Variants in WDFY4 observed in about 807,000 individuals in gnomAD.
WDFY4 encodes the protein WDFY family member 4.
WDFY4 carries 169 observed loss-of-function variants against 351.9 expected under a neutral mutation model. That is an observed-to-expected ratio of 0.48 (90% CI 0.42 to 0.55). WDFY4 has a LOEUF of 0.55. WDFY4 is among the 20% of genes least tolerant of loss of function. The probability of loss-of-function intolerance (pLI) is 0.00; values close to 1 mark genes in which losing one functional copy is unlikely to be tolerated. For synonymous variants in WDFY4, 1,622 were observed against 1,574.6 expected, an observed-to-expected ratio of 1.03 and a Z score of -0.71; for missense variants, 3,803 against 3,935.6, an observed-to-expected ratio of 0.97 and a Z score of 0.90.
intron 47 of WDFY4, among the ~76,000 whole-genome samples, chr10:48,934,721 T>C (rs926479039): frequency 6.6e-6 from 1 of 152,328 alleles, no homozygotes; most frequent in East Asian, 1.9e-4. Flanking sequence ...GGCTGGACCC[T>C]CCTGAACGAA....
rs1554812693 is a variant in WDFY4, at chr10:48,923,506, A to ATATATG, written c.7587-18295_7587-18294insGTATAT. Among the ~76,000 whole-genome samples, 572 of 115,166 alleles carry ATATATG rather than the reference A, an allele frequency of 5.0e-3. 81 individuals are homozygous for ATATATG. The highest frequency in any genetic ancestry group is 8.9e-3 in the Non-Finnish European group (455 of 51,216). 75.6% of individuals were successfully genotyped at this position (115,166 alleles called of 152,430 possible). On this transcript the variant is annotated intron_variant, in intron 47 of 61. Transcript: ENST00000325239. Reference sequence around the variant, plus strand: ...AACAAATAGTTTTTAGTATATATATATATATATGTCCCAAATACCGCATAG... The same window carrying ATATATG: ...AACAAATAGTTTTTAGTATATATATATATATGTATATATGTCCCAAATACCGCATAG...
chr10:48,721,494 C>T, intron 4 of WDFY4, 127 bp downstream of exon 4: 2 of 806,406 alleles, frequency 2.5e-6, no homozygotes, highest in Non-Finnish European at 4.1e-6. Flanking sequence ...ATTATTTCTC[C>T]TCCCTCCTCC....
Position 48,897,434 on chromosome 10 carries a change from C to T in WDFY4, c.7317-20C>T. The T allele has an allele frequency of 6.5e-7, 1 of 1,549,482 alleles. No individual in the cohort carries two copies. The highest frequency in any genetic ancestry group is 8.7e-7 in the Non-Finnish European group (1 of 1,145,888). On this transcript the variant is annotated intron_variant, in intron 44 of 61. Coordinates refer to ENST00000325239, the MANE Select transcript of WDFY4 (RefSeq NM_001394531.1). ...CTCTGATGTCTGAACATGTGCCCTG[C>T]ATGCCTGTTTCCTTTTCAGCATCAG...
Position 48,749,424 on chromosome 10 carries a change from TACAC to T in WDFY4, c.2459+5879_2459+5882del, listed in dbSNP as rs148613437. The stretch of plus-strand genomic sequence containing the variant: ...ATACCACACACCCACACACTGCACT[TACAC>T]ACCACACAGCACCTAGCACATACAC... On this transcript the variant is annotated intron_variant, in intron 12 of 61. Coordinates refer to ENST00000325239, the MANE Select transcript of WDFY4 (RefSeq NM_001394531.1). Among the ~76,000 whole-genome samples, 1,239 of 151,794 alleles carry T rather than the reference TACAC, an allele frequency of 8.2e-3. 14 individuals are homozygous for T. Among genetic ancestry groups the T allele is most frequent in the Middle Eastern group, 0.014 (4 of 292 alleles).
intron 39 of WDFY4, among the ~76,000 whole-genome samples, chr10:48,863,323 G>A (rs2069411076): frequency 6.6e-6 from 1 of 152,112 alleles, no homozygotes; most frequent in South Asian, 2.1e-4. Flanking sequence ...GTGTATGAGA[G>A]TTTCTATTTA....
chr10:48,940,265 C>G (rs763777862), intron 47 of WDFY4, among the ~76,000 whole-genome samples: 2 of 152,240 alleles, frequency 1.3e-5, no homozygotes, highest in African/African-American at 2.4e-5. Flanking sequence ...CCTTTACAAG[C>G]TAAAGCAGTA....
At chr10:48,946,220 T>A in intron 50 of WDFY4, 63 bp downstream of exon 50, 2 of 1,270,320 alleles carry the variant, frequency 1.6e-6, no homozygotes, top group South Asian at 1.4e-5. Flanking sequence ...AAAATGATAG[T>A]TGATAACAAT....
chr10:48,790,357 C>G (rs967155879), intron 22 of WDFY4, among the ~76,000 whole-genome samples: 2 of 152,182 alleles, frequency 1.3e-5, no homozygotes, highest in African/African-American at 4.8e-5. Context: ...CAAATTGGTG[C>G]AAGTGCCCTG....
At chr10:48,884,552 G>GCA (rs1474208665) in intron 43 of WDFY4, among the ~76,000 whole-genome samples, 1 of 116,374 alleles carries the variant, frequency 8.6e-6, no homozygotes, top group African/African-American at 3.3e-5. Flanking sequence ...ATACACACAT[G>GCA]CACACACACA....
chr10:48,879,439 G>A (rs1248904245), intron 43 of WDFY4, among the ~76,000 whole-genome samples: 2 of 152,198 alleles, frequency 1.3e-5, no homozygotes, highest in Non-Finnish European at 2.9e-5. Flanking sequence ...ATTATGTGGT[G>A]TCTCCATATT....
intron 17 of WDFY4, among the ~76,000 whole-genome samples, 192 bp from the exon 18 acceptor site, chr10:48,778,419 C>A (rs2066107407): frequency 6.6e-6 from 1 of 152,256 alleles, no homozygotes; most frequent in Non-Finnish European, 1.5e-5. Flanking sequence ...GTGTGACGGA[C>A]CTCAGGGAGA....
intron 47 of WDFY4, among the ~76,000 whole-genome samples, chr10:48,902,676 C>A (rs895493863): frequency 6.6e-6 from 1 of 151,724 alleles, no homozygotes; most frequent in Non-Finnish European, 1.5e-5. Flanking sequence ...GGAGGACAGA[C>A]ATAAACCAAT....
At chr10:48,873,207 C>A (rs1352562197) in intron 40 of WDFY4, among the ~76,000 whole-genome samples, 1 of 152,238 alleles carries the variant, frequency 6.6e-6, no homozygotes. Context: ...CCTTCCAGAC[C>A]TGTTGCTTTC....
intron 39 of WDFY4, among the ~76,000 whole-genome samples, chr10:48,846,450 G>A (rs571988227): frequency 6.6e-6 from 1 of 152,286 alleles, no homozygotes; most frequent in Non-Finnish European, 1.5e-5. Context: ...AGTTCCTGGT[G>A]GGCAAGCCTT....
intron 50 of WDFY4, among the ~76,000 whole-genome samples, 184 bp from the exon 51 acceptor site, chr10:48,946,676 T>C (rs1841058316): frequency 6.6e-6 from 1 of 152,214 alleles, no homozygotes; most frequent in East Asian, 1.9e-4. Flanking sequence ...CTTTAGACGT[T>C]TTGCCACATT....
At chr10:48,770,670 G>A (rs2065835282) in intron 13 of WDFY4, among the ~76,000 whole-genome samples, 1 of 152,234 alleles carries the variant, frequency 6.6e-6, no homozygotes, top group African/African-American at 2.4e-5. Flanking sequence ...TGGGAAGGGA[G>A]TCAAGGACTT....
intron 23 of WDFY4, among the ~76,000 whole-genome samples, chr10:48,795,826 A>G (rs11101492): frequency 0.051 from 7,746 of 152,138 alleles, 297 homozygotes; most frequent in Middle Eastern, 0.16. Flanking sequence ...AAGCTGGGTC[A>G]CCAAATGTAT....
At chr10:48,888,843 C>A (rs182277010) in intron 43 of WDFY4, among the ~76,000 whole-genome samples, 1 of 152,206 alleles carries the variant, frequency 6.6e-6, no homozygotes, top group African/African-American at 2.4e-5. Flanking sequence ...ATGGTGTTCT[C>A]GCCAAGTTTC....
At chr10:48,954,520 TAG>T (rs1841491982) in intron 51 of WDFY4, among the ~76,000 whole-genome samples, 1 of 152,234 alleles carries the variant, frequency 6.6e-6, no homozygotes. Context: ...TTTCCTTAGA[TAG>T]ACACTCTGTA....
Sources: gnomAD v4.1 joint callset for allele counts (sites outside exome capture counted in the v4.1 genomes callset) on GRCh38, gnomAD v4.1.1 for gene constraint, MANE v1.5 for transcripts, NCBI Gene and HGNC (gene_info 2026-07-23, HGNC 2026-07-21) for gene names.